ERAP2: variants seen among roughly 807,000 people sequenced by gnomAD.
The protein encoded by ERAP2 is leukocyte-derived arginine aminopeptidase.
ERAP2 carries 118 observed loss-of-function variants against 111.1 expected under a neutral mutation model. The ratio of observed to expected loss-of-function variants is 1.06; its 90% confidence interval spans 0.92 to 1.24. ERAP2 has a LOEUF of 1.24. Among genes scored for constraint, ERAP2 ranks in the 50% most tolerant of loss-of-function variants. ERAP2 has a pLI of 0.00. For missense variants in ERAP2, 1,131 were observed against 1,125.8 expected (o/e 1.00, Z -0.07); for synonymous variants, 410 against 401.2 (o/e 1.02, Z -0.26).
intron 5 of ERAP2, among the ~76,000 whole-genome samples, chr5:96,890,296 C>A (rs1460222651): frequency 6.6e-6 from 1 of 152,132 alleles, no homozygotes; most frequent in Non-Finnish European, 1.5e-5. Context: ...GCATTAGATT[C>A]TCATAAGGAA....
At chr5:96,893,052 A>G (rs930026946) in intron 6 of ERAP2, among the ~76,000 whole-genome samples, 14 of 152,276 alleles carry the variant, frequency 9.2e-5, no homozygotes, top group South Asian at 8.3e-4. Flanking sequence ...TAAGCACTCA[A>G]TAAGTATTAG....
At chr5:96,880,887 A>G (rs1783047452) in intron 2 of ERAP2, 2 of 160,958 alleles carry the variant, frequency 1.2e-5, no homozygotes, top group South Asian at 3.2e-4. Flanking sequence ...TGAATGAAAT[A>G]AAACAAGGTG....
chr5:96,888,869 T>C (rs546483428), intron 4 of ERAP2, among the ~76,000 whole-genome samples: 29 of 152,318 alleles, frequency 1.9e-4, no homozygotes, highest in African/African-American at 4.6e-4. Context: ...AAGTATATCA[T>C]AGAGACGAAC....
rs1007219761 is a variant in ERAP2 at position 96,901,468 on chromosome 5, C to T, written c.1573-38C>T. The T allele has an allele frequency of 5.6e-6, 9 of 1,600,868 alleles. No homozygotes were observed. In the Admixed American group the frequency reaches 1.0e-4, roughly 18 times the overall value. ...CTGTCCCTCTGTCTTTGGATTGTCT[C>T]CTCTCTCTTGAGTTATCATAGTCAC... On this transcript the variant is annotated intron_variant, in intron 10 of 18. Transcript: ENST00000437043.
rs1784070308 is a variant in ERAP2, at chr5:96,889,174, A to G, written c.850-11A>G. 3.1e-6 allele frequency: 5 copies of G among 1,613,632 alleles called. No homozygotes were observed. The highest frequency in any genetic ancestry group is 3.4e-6 in the Non-Finnish European group (4 of 1,179,584). On this transcript the variant is annotated splice_polypyrimidine_tract_variant and intron_variant, in intron 4 of 18. Transcript: ENST00000437043. ...GTCATTCAAAAACCTCTTCTGATCC[A>G]CATTTCCCAGGTGTCCATCTATGCA...
At chr5:96,913,186 A>T in intron 16 of ERAP2, 131 bp from the exon 17 acceptor site, 1 of 683,164 alleles carries the variant, frequency 1.5e-6, no homozygotes, top group Non-Finnish European at 2.4e-6. Flanking sequence ...TAATTGAAAC[A>T]TTAAAAAATT....
At chr5:96,878,316 C>T (rs1782763987) in intron 1 of ERAP2, among the ~76,000 whole-genome samples, 1 of 152,052 alleles carries the variant, frequency 6.6e-6, no homozygotes, top group African/African-American at 2.4e-5. Flanking sequence ...AAATACCTAC[C>T]TTGACCAGCA....
At chr5:96,882,233 T>C (rs996577314) in intron 2 of ERAP2, among the ~76,000 whole-genome samples, 2 of 152,192 alleles carry the variant, frequency 1.3e-5, no homozygotes, top group Non-Finnish European at 2.9e-5. Flanking sequence ...AATGATGGCT[T>C]TTTTCATTTT....
chr5:96,901,444 T>G, intron 10 of ERAP2, 62 bp from the exon 11 acceptor site: 1 of 1,541,508 alleles, frequency 6.5e-7, no homozygotes. Flanking sequence ...TGGAAGTTTC[T>G]GTCCCTCTGT....
chr5:96,892,576 C>T (rs1026232772), intron 6 of ERAP2, 123 bp downstream of exon 6: 3 of 1,099,634 alleles, frequency 2.7e-6, no homozygotes, highest in Non-Finnish European at 3.9e-6. Flanking sequence ...TTAGAGACTA[C>T]TAAACCTAAC....
intron 18 of ERAP2, among the ~76,000 whole-genome samples, chr5:96,916,779 T>A (rs981447230): frequency 9.3e-5 from 14 of 150,254 alleles, no homozygotes; most frequent in Admixed American, 6.1e-4. Flanking sequence ...TTTTTTTTTT[T>A]AAAGCATTAT....
chr5:96,914,323 TTC>T (rs1561401800), intron 17 of ERAP2, among the ~76,000 whole-genome samples: 1 of 152,234 alleles, frequency 6.6e-6, no homozygotes, highest in East Asian at 1.9e-4. Context: ...TCCTAGTTCC[TTC>T]TCTTTCATTT....
intron 9 of ERAP2, 122 bp from the exon 10 acceptor site, chr5:96,899,999 T>A: frequency 8.5e-7 from 1 of 1,175,862 alleles, no homozygotes; most frequent in Non-Finnish European, 1.2e-6. Context: ...ATGTTCATTA[T>A]CATGTCTGGA....
At chr5:96,898,971 C>A (rs1581857373) in intron 9 of ERAP2, among the ~76,000 whole-genome samples, 1 of 152,148 alleles carries the variant, frequency 6.6e-6, no homozygotes, top group East Asian at 1.9e-4. Flanking sequence ...TCCCCTCCAA[C>A]ACGGAAGAAT....
At chr5:96,914,854 G>A (rs993566280) in intron 17 of ERAP2, among the ~76,000 whole-genome samples, 13 of 151,908 alleles carry the variant, frequency 8.6e-5, no homozygotes, top group Admixed American at 1.3e-4. Context: ...ATACATTAGA[G>A]TGTCTATTAT....
rs779311280 is a variant in ERAP2 at position 96,889,281 on chromosome 5, A to G, written c.946A>G (p.Ile316Val). Reference sequence around the variant, plus strand: ...TGATTTTTATGAAAAGTACTTTGATATCTACTATCCACTCTCCAAACTGGG... The same window carrying G: ...TGATTTTTATGAAAAGTACTTTGATGTCTACTATCCACTCTCCAAACTGGG... ...LLDFYEKYFD[I>V]YYPLSKLDLI... The change falls in exon 5 of 19, where the codon ATC becomes GTC. Residue 316 changes from isoleucine (I) to valine (V), a missense_variant. Transcript: ENST00000437043. 2 of 1,614,024 alleles carry G rather than the reference A, an allele frequency of 1.2e-6. No homozygotes were observed. The highest frequency in any genetic ancestry group is 1.1e-5 in the South Asian group (1 of 91,084).
chr5:96,892,066 C>G (rs1454452298), intron 5 of ERAP2, among the ~76,000 whole-genome samples: 1 of 152,084 alleles, frequency 6.6e-6, no homozygotes, highest in African/African-American at 2.4e-5. Context: ...GGTTAAATGT[C>G]CATATGTTAC....
At chr5:96,876,801 T>G (rs1455485978) in intron 1 of ERAP2, among the ~76,000 whole-genome samples, 1 of 152,150 alleles carries the variant, frequency 6.6e-6, no homozygotes, top group Non-Finnish European at 1.5e-5. Context: ...AATCCCAGGA[T>G]GTTTTGTTCA....
At chr5:96,893,835 C>G (rs945488990) in intron 6 of ERAP2, among the ~76,000 whole-genome samples, 3 of 152,178 alleles carry the variant, frequency 2.0e-5, no homozygotes, top group African/African-American at 7.2e-5. Flanking sequence ...TTTTACCTCT[C>G]CATCCTCATC....
Sources: allele counts gnomAD v4.1 joint callset (sites outside exome capture counted in the v4.1 genomes callset), GRCh38; gene constraint gnomAD v4.1.1; transcripts MANE v1.5; gene names NCBI Gene and HGNC (gene_info 2026-07-23, HGNC 2026-07-21).